The following DLC1 variants were observed in gnomAD, a reference collection of about 807,000 sequenced individuals.
DLC1 encodes the protein DLC1 Rho GTPase activating protein, also known as rho GTPase-activating protein 7.
A neutral mutation model predicts 140.3 loss-of-function variants in DLC1; 54 were observed. That is an observed-to-expected ratio of 0.38 (90% CI 0.31 to 0.48). DLC1 has a LOEUF of 0.48. Ranked by LOEUF, DLC1 falls within the 20% of genes least tolerant of loss-of-function variation. DLC1 has a pLI of 0.96. For synonymous variants in DLC1, 986 were observed against 728.1 expected, an observed-to-expected ratio of 1.35 and a Z score of -5.70; for missense variants, 2,536 against 1,907.0, an observed-to-expected ratio of 1.33 and a Z score of -6.14.
chr8:13,370,520 A>T (rs1364905121), intron 4 of DLC1, among the ~76,000 whole-genome samples: 1 of 152,076 alleles, frequency 6.6e-6, no homozygotes, highest in Non-Finnish European at 1.5e-5. Flanking sequence ...GAGATATTTA[A>T]ACTGCTTCCC....
intron 4 of DLC1, among the ~76,000 whole-genome samples, chr8:13,389,550 C>A (rs75876302): frequency 0.021 from 3,234 of 151,968 alleles, 58 homozygotes; most frequent in Middle Eastern, 0.058. Context: ...CAGTGGATAA[C>A]CTACATTTTA....
intron 1 of DLC1, among the ~76,000 whole-genome samples, chr8:13,528,891 C>T (rs576078462): frequency 1.3e-5 from 2 of 152,284 alleles, no homozygotes; most frequent in South Asian, 4.1e-4. Context: ...CTGGGTTGTA[C>T]AACAGTGAAG....
At chr8:13,600,633 T>C (rs1320063321) in intron 1 of DLC1, among the ~76,000 whole-genome samples, 1 of 151,958 alleles carries the variant, frequency 6.6e-6, no homozygotes, top group Non-Finnish European at 1.5e-5. Flanking sequence ...TGTACATGAC[T>C]ATTTTCTCTC....
In DLC1 at chr8:13,085,739, AT is replaced by A; in HGVS notation, c.*71del. On this transcript the variant is annotated 3_prime_UTR_variant, in exon 18 of 18. Coordinates refer to ENST00000276297, the MANE Select transcript of DLC1 (RefSeq NM_182643.3). The stretch of plus-strand genomic sequence containing the variant: ...TGTTTCAGGATTAGACACAGAACCC[AT>A]TCTTCAAGGACTGGCAAAAGTTCTA... 1 of 1,602,936 alleles carries A rather than the reference AT, an allele frequency of 6.2e-7. No homozygotes were observed. Among genetic ancestry groups the A allele is most frequent in the Non-Finnish European group, 8.5e-7 (1 of 1,174,202 alleles).
chr8:13,491,562 C>G (rs4644262), intron 2 of DLC1, among the ~76,000 whole-genome samples: 10 of 152,064 alleles, frequency 6.6e-5, no homozygotes, highest in Non-Finnish European at 8.8e-5. Flanking sequence ...CCACTCCTCT[C>G]TGGATACAAC....
intron 2 of DLC1, among the ~76,000 whole-genome samples, chr8:13,477,458 G>C (rs532130839): frequency 6.6e-6 from 1 of 152,310 alleles, no homozygotes; most frequent in Non-Finnish European, 1.5e-5. Flanking sequence ...ATAGTAGTGA[G>C]AGTAGGGCTT....
At chr8:13,344,669 G>A (rs1009935557) in intron 4 of DLC1, among the ~76,000 whole-genome samples, 8 of 152,280 alleles carry the variant, frequency 5.3e-5, no homozygotes, top group Admixed American at 3.9e-4. Context: ...GGTGCATAAG[G>A]CTAGCCACGA....
At chr8:13,547,793 C>A (rs529577407) in intron 1 of DLC1, among the ~76,000 whole-genome samples, 9 of 152,196 alleles carry the variant, frequency 5.9e-5, no homozygotes, top group African/African-American at 1.7e-4. Flanking sequence ...CTTCTCCCAA[C>A]TCCTTTCTCT....
intron 2 of DLC1, among the ~76,000 whole-genome samples, chr8:13,415,853 G>T (rs900127988): frequency 6.6e-6 from 1 of 152,042 alleles, no homozygotes; most frequent in Non-Finnish European, 1.5e-5. Flanking sequence ...CAGGTATAAA[G>T]AATATTTCTG....
At chr8:13,139,288 C>CAAAAAAAAAAAAAAAAAAAA (rs67684524) in intron 5 of DLC1, among the ~76,000 whole-genome samples, 5 of 49,288 alleles carry the variant, frequency 1.0e-4, no homozygotes, top group Non-Finnish European at 1.8e-4. Flanking sequence ...GACCCTGTCT[C>CAAAAAAAAAAAAAAAAAAAA]AAAAAAAAAA....
At chr8:13,361,021 A>G (rs1183603925) in intron 4 of DLC1, among the ~76,000 whole-genome samples, 2 of 152,106 alleles carry the variant, frequency 1.3e-5, no homozygotes, top group Non-Finnish European at 2.9e-5. Context: ...GTTTGAGCTC[A>G]GGAGTTCAAG....
At chr8:13,271,792 C>A (rs1038572082) in intron 5 of DLC1, among the ~76,000 whole-genome samples, 2 of 152,178 alleles carry the variant, frequency 1.3e-5, no homozygotes, top group Non-Finnish European at 2.9e-5. Flanking sequence ...TCAAGTGATT[C>A]TCCTGACTCA....
chr8:13,232,013 T>C (rs1262783968), intron 5 of DLC1, among the ~76,000 whole-genome samples: 1 of 152,218 alleles, frequency 6.6e-6, no homozygotes, highest in African/African-American at 2.4e-5. Flanking sequence ...TTGTTCACTT[T>C]AAGACTTTCA....
At chr8:13,352,228 C>G (rs1586188440) in intron 4 of DLC1, among the ~76,000 whole-genome samples, 1 of 152,226 alleles carries the variant, frequency 6.6e-6, no homozygotes. Flanking sequence ...ACGCACGGCC[C>G]TCTCGGCCTC....
At position 13,099,591 on chromosome 8, in the gene DLC1, T is replaced by A. The variant is rs750985603; in HGVS notation, c.2746A>T (p.Met916Leu). The stretch of plus-strand genomic sequence containing the variant: ...GACCACTGATTGACTATCCGCTGCA[T>A]CCCCTTCACGTGGTAGAGGATGTCG... ...LDDILYHVKG[M>L]QRIVNQWSEK... Residue 916 changes from methionine (M) to leucine (L), a missense_variant, in exon 9 of 18, where the codon ATG becomes TTG. Transcript: ENST00000276297. 18 of 1,614,102 alleles carry A rather than the reference T, an allele frequency of 1.1e-5. 1 individual carries two copies. In the South Asian group the frequency reaches 2.0e-4, roughly 18 times the overall value.
At chr8:13,453,410 A>ATATATATATATATATATATATGTG in intron 2 of DLC1, among the ~76,000 whole-genome samples, 1 of 53,354 alleles carries the variant, frequency 1.9e-5, no homozygotes, top group South Asian at 6.6e-4. Context: ...ATGTGTATAT[A>ATATATATATATATATATATATGTG]TATATATATA....
At chr8:13,382,986 A>C (rs1450421973) in intron 4 of DLC1, among the ~76,000 whole-genome samples, 3 of 152,242 alleles carry the variant, frequency 2.0e-5, no homozygotes, top group Admixed American at 6.5e-5. Flanking sequence ...GAAAGAGATC[A>C]TATGAGCAGA....
At chr8:13,095,707 G>C (rs1314653043) in intron 10 of DLC1, 3 of 158,902 alleles carry the variant, frequency 1.9e-5, no homozygotes, top group African/African-American at 7.2e-5. Flanking sequence ...GCATCTGATA[G>C]AGTGTGAAAA....
chr8:13,102,371 C>T (rs1819167250), intron 8 of DLC1, among the ~76,000 whole-genome samples: 1 of 152,132 alleles, frequency 6.6e-6, no homozygotes, highest in African/African-American at 2.4e-5. Flanking sequence ...CAATATTGCA[C>T]AAATCGGCCT....
Sources: allele counts gnomAD v4.1 joint callset (sites outside exome capture counted in the v4.1 genomes callset), GRCh38; gene constraint gnomAD v4.1.1; transcripts MANE v1.5; gene names NCBI Gene and HGNC (gene_info 2026-07-23, HGNC 2026-07-21).